Variants in NOX4 observed in about 807,000 individuals in gnomAD.
NOX4 encodes NADPH oxidase 4.
Under a neutral mutation model 87.6 loss-of-function variants are expected in NOX4, and 69 were observed. The ratio of observed to expected loss-of-function variants is 0.79; its 90% CI spans 0.65 to 0.96. The LOEUF is 0.96. NOX4 is among the 40% of genes least tolerant of loss of function. The pLI is 0.00. For synonymous variants in NOX4, 275 were observed against 238.2 expected, an observed-to-expected ratio of 1.15 and a Z score of -1.42; for missense variants, 680 against 681.5, an observed-to-expected ratio of 1.00 and a Z score of 0.02.
intron 2 of NOX4, among the ~76,000 whole-genome samples, chr11:89,488,688 C>T (rs568531577): frequency 6.6e-6 from 1 of 152,222 alleles, no homozygotes; most frequent in East Asian, 1.9e-4. Flanking sequence ...TGATCCAGAG[C>T]AAATTTTACC....
rs761898242 is a variant in NOX4 at position 89,490,481 on chromosome 11, G to A, written c.130C>T (p.His44Tyr). The A allele has an allele frequency of 2.5e-6, 4 of 1,613,334 alleles. No homozygotes were observed. In the African/African-American group the frequency reaches 5.3e-5, roughly 22 times the overall value. Residue 44 changes from histidine to tyrosine, a missense_variant, in exon 2 of 18, where the codon CAC becomes TAC. By Grantham distance (83) the His-to-Tyr change is moderately conservative (BLOSUM62 2). Transcript: ENST00000263317. ...ACCCCCAACATCTGGTGGAGGTAGT[G>A]ATACTCTGGCCCTTGGTTATACAGC... ...FLLYNQGPEY[H>Y]YLHQMLGLGL... is the part of the protein sequence containing the mutation.
intron 11 of NOX4, among the ~76,000 whole-genome samples, chr11:89,380,530 T>C (rs1940202903): frequency 6.6e-6 from 1 of 152,166 alleles, no homozygotes; most frequent in African/African-American, 2.4e-5. Context: ...GAAACTTTCA[T>C]TGATCATTTC....
the NOX4 span, among the ~76,000 whole-genome samples, chr11:89,511,949 A>G: frequency 2.0e-5 from 3 of 152,036 alleles, no homozygotes; most frequent in Admixed American, 6.6e-5. Flanking sequence ...TTGACCATCA[A>G]TCTTCTCTGT....
intron 7 of NOX4, among the ~76,000 whole-genome samples, chr11:89,425,472 T>C (rs1274452769): frequency 1.4e-5 from 2 of 140,402 alleles, no homozygotes; most frequent in African/African-American, 5.4e-5. Context: ...TCTGGGAAAA[T>C]AATGTATAAA....
At chr11:89,531,601 C>T in the NOX4 span, among the ~76,000 whole-genome samples, 5 of 152,174 alleles carry the variant, frequency 3.3e-5, no homozygotes, top group African/African-American at 9.7e-5. Flanking sequence ...CAGTTTTCCC[C>T]ATGCTGTTCT....
chr11:89,358,040 G>A (rs141325964), intron 12 of NOX4, among the ~76,000 whole-genome samples: 1 of 151,954 alleles, frequency 6.6e-6, no homozygotes, highest in Non-Finnish European at 1.5e-5. Context: ...CAGATTATCA[G>A]AAATACAAAG....
intron 4 of NOX4, among the ~76,000 whole-genome samples, chr11:89,447,073 A>G (rs559276518): frequency 2.6e-5 from 4 of 151,748 alleles, no homozygotes; most frequent in East Asian, 1.9e-4. Context: ...TTTTAAGAGG[A>G]AAAAAAATGG....
intron 6 of NOX4, among the ~76,000 whole-genome samples, chr11:89,438,085 G>A (rs1424947684): frequency 6.6e-6 from 1 of 150,964 alleles, no homozygotes; most frequent in African/African-American, 2.4e-5. Context: ...TTTGTATTAA[G>A]TGTCTTCTCT....
chr11:89,373,277 C>CA (rs144113376), intron 12 of NOX4, among the ~76,000 whole-genome samples, 155 bp downstream of exon 12: 1,153 of 59,034 alleles, frequency 0.02, 25 homozygotes, highest in Middle Eastern at 0.048. Flanking sequence ...ACTGTACAAG[C>CA]AAAAAAAAAA....
At chr11:89,531,877 G>A in the NOX4 span, among the ~76,000 whole-genome samples, 1 of 152,222 alleles carries the variant, frequency 6.6e-6, no homozygotes, top group Non-Finnish European at 1.5e-5. Context: ...TGTGGCCCAG[G>A]CACTCCAGCT....
chr11:89,580,584 T>A, the NOX4 span, among the ~76,000 whole-genome samples: 3 of 152,224 alleles, frequency 2.0e-5, no homozygotes, highest in Non-Finnish European at 2.9e-5. Context: ...TAAGTGAATG[T>A]ATATTATTCT....
At chr11:89,354,839 G>C (rs2134975248) in intron 13 of NOX4, 123 bp downstream of exon 13, 1 of 584,676 alleles carries the variant, frequency 1.7e-6, no homozygotes, top group East Asian at 3.0e-5. Flanking sequence ...TAGTTAGTTA[G>C]GGTAAGTTAT....
chr11:89,471,729 T>C (rs1265183484), intron 2 of NOX4, among the ~76,000 whole-genome samples: 1 of 151,450 alleles, frequency 6.6e-6, no homozygotes, highest in African/African-American at 2.4e-5. Context: ...TGATTGTTTT[T>C]GTTTGTTTGT....
chr11:89,504,716 T>G, the NOX4 span, among the ~76,000 whole-genome samples: 2 of 152,024 alleles, frequency 1.3e-5, no homozygotes, highest in South Asian at 2.1e-4. Flanking sequence ...AATACAGACA[T>G]CTGTTTCACT....
At chr11:89,336,314 G>T (rs543079908) in intron 16 of NOX4, among the ~76,000 whole-genome samples, 1 of 151,990 alleles carries the variant, frequency 6.6e-6, no homozygotes, top group South Asian at 2.1e-4. Flanking sequence ...TTAAAGAACT[G>T]CAGTGTAAGA....
chr11:89,495,995 G>A (rs1004471372), upstream of NOX4, among the ~76,000 whole-genome samples: 1 of 152,110 alleles, frequency 6.6e-6, no homozygotes, highest in African/African-American at 2.4e-5. Flanking sequence ...AAGAATCCTA[G>A]AGGTTTGAGT....
intron 3 of NOX4, among the ~76,000 whole-genome samples, chr11:89,451,164 G>A (rs1170451284): frequency 2.0e-5 from 3 of 151,824 alleles, no homozygotes; most frequent in South Asian, 4.2e-4. Flanking sequence ...GTATACATAT[G>A]TAACAAGCCT....
At chr11:89,580,646 C>T in the NOX4 span, among the ~76,000 whole-genome samples, 1 of 151,890 alleles carries the variant, frequency 6.6e-6, no homozygotes, top group East Asian at 1.9e-4. Context: ...TGGAGGCTCA[C>T]TCTATTTGGG....
chr11:89,350,524 T>C (rs913438576), intron 13 of NOX4, among the ~76,000 whole-genome samples: 1 of 152,186 alleles, frequency 6.6e-6, no homozygotes, highest in Admixed American at 6.5e-5. Flanking sequence ...AGTGATGTTA[T>C]GATCTATGTT....
Sources: allele counts gnomAD v4.1 joint callset (sites outside exome capture counted in the v4.1 genomes callset), GRCh38; gene constraint gnomAD v4.1.1; transcripts MANE v1.5; gene names NCBI Gene and HGNC (gene_info 2026-07-23, HGNC 2026-07-21).